Variants in ALOX5AP observed in about 807,000 individuals in gnomAD.
ALOX5AP encodes the protein arachidonate 5-lipoxygenase activating protein, also known as arachidonate 5-lipoxygenase-activating protein.
Under a neutral mutation model 18.5 loss-of-function variants are expected in ALOX5AP, and 9 were observed. The observed-to-expected ratio is 0.49, with a 90% CI of 0.29 to 0.85. The LOEUF is 0.85. Ranked by LOEUF, ALOX5AP falls within the 40% of genes least tolerant of loss-of-function variation. The pLI, the probability that ALOX5AP is intolerant of heterozygous loss-of-function variation, is 0.08. For synonymous variants in ALOX5AP, 81 were observed against 78.6 expected (o/e 1.03, Z -0.16); for missense variants, 172 against 202.5 (o/e 0.85, Z 0.91).
intron 1 of ALOX5AP, among the ~76,000 whole-genome samples, chr13:30,718,750 C>T (rs1437433118): frequency 4.6e-5 from 7 of 152,218 alleles, no homozygotes; most frequent in Admixed American, 3.9e-4. Flanking sequence ...GTCGCCCTAG[C>T]TGCCCAATGC....
At chr13:30,752,973 C>G (rs1172983759) in intron 3 of ALOX5AP, among the ~76,000 whole-genome samples, 1 of 152,204 alleles carries the variant, frequency 6.6e-6, no homozygotes, top group Non-Finnish European at 1.5e-5. Context: ...GGATTTTTCA[C>G]AAAGATCCTC....
At chr13:30,762,405 A>G (rs1284856479) in intron 4 of ALOX5AP, among the ~76,000 whole-genome samples, 1 of 152,174 alleles carries the variant, frequency 6.6e-6, no homozygotes, top group Non-Finnish European at 1.5e-5. Flanking sequence ...CCTGGCCAAC[A>G]TGGTGAAACA....
Position 30,755,952 on chromosome 13 carries a change from G to C in ALOX5AP, c.250G>C (p.Ala84Pro). The stretch of plus-strand genomic sequence containing the variant: ...TTCATTTCTCCACTTAGTTCCTGCT[G>C]CGTTTGCTGGACTGATGTACTTGTT... ...AGLLCSQVPA[A>P]FAGLMYLFVR... Residue 84 changes from alanine (A) to proline (P), a missense_variant, in exon 4 of 5, where the codon GCG (alanine) becomes CCG (proline). Transcript: ENST00000380490. The C allele has an allele frequency of 6.2e-7, 1 of 1,614,104 alleles. No homozygotes were observed. The highest frequency in any genetic ancestry group is 2.2e-5 in the East Asian group (1 of 44,876).
chr13:30,725,871 G>A (rs1281653958), intron 1 of ALOX5AP, among the ~76,000 whole-genome samples: 1 of 152,196 alleles, frequency 6.6e-6, no homozygotes, highest in Non-Finnish European at 1.5e-5. Context: ...TTAGAACAGT[G>A]GAATGGATTT....
chr13:30,732,591 T>G (rs1004738970), upstream of ALOX5AP, among the ~76,000 whole-genome samples: 3 of 152,190 alleles, frequency 2.0e-5, no homozygotes, highest in Non-Finnish European at 4.4e-5. Flanking sequence ...GCCATCTGGT[T>G]GACCTCTCCA....
At chr13:30,733,395 G>A (rs960497326), upstream of ALOX5AP, among the ~76,000 whole-genome samples, 3 of 152,206 alleles carry the variant, frequency 2.0e-5, no homozygotes, top group Non-Finnish European at 2.9e-5. Context: ...TCACTAAGAT[G>A]TAAGTGTTAG....
At chr13:30,751,687 C>T (rs1951853004) in intron 2 of ALOX5AP, among the ~76,000 whole-genome samples, 1 of 152,190 alleles carries the variant, frequency 6.6e-6, no homozygotes, top group African/African-American at 2.4e-5. Context: ...CCCCGACCAC[C>T]CCCATGCCAG....
intron 2 of ALOX5AP, among the ~76,000 whole-genome samples, chr13:30,750,010 C>T (rs1043140477): frequency 3.9e-5 from 6 of 152,022 alleles, no homozygotes; most frequent in African/African-American, 1.5e-4. Context: ...CACATGAAAC[C>T]CGTGGTTCTC....
chr13:30,718,085 G>A (rs978880381), intron 1 of ALOX5AP, among the ~76,000 whole-genome samples: 5 of 151,408 alleles, frequency 3.3e-5, no homozygotes, highest in South Asian at 2.1e-4. Flanking sequence ...TCAGCCTCCC[G>A]AGTAGCTGGG....
At chr13:30,724,966 G>C (rs1405055206) in intron 1 of ALOX5AP, among the ~76,000 whole-genome samples, 3 of 152,152 alleles carry the variant, frequency 2.0e-5, no homozygotes, top group Non-Finnish European at 4.4e-5. Context: ...ACTTGATGGA[G>C]GAAAAAACAA....
intron 4 of ALOX5AP, among the ~76,000 whole-genome samples, chr13:30,758,030 C>G (rs1262729195): frequency 1.3e-5 from 2 of 152,150 alleles, no homozygotes; most frequent in Admixed American, 6.5e-5. Flanking sequence ...GTAGGCATTA[C>G]TGATGAATCA....
chr13:30,744,508 C>T (rs1951793437), intron 2 of ALOX5AP: 1 of 177,038 alleles, frequency 5.6e-6, no homozygotes, highest in Non-Finnish European at 1.2e-5. Context: ...CCATGACTCA[C>T]CAGTCACCTT....
upstream of ALOX5AP, among the ~76,000 whole-genome samples, chr13:30,733,676 A>G (rs1951699108): frequency 6.6e-6 from 1 of 152,252 alleles, no homozygotes; most frequent in Non-Finnish European, 1.5e-5. Flanking sequence ...CACTGGAATC[A>G]GCGGACTAAG....
At chr13:30,730,465 A>G (rs1951672435) in intron 1 of ALOX5AP, among the ~76,000 whole-genome samples, 1 of 152,360 alleles carries the variant, frequency 6.6e-6, no homozygotes, top group Middle Eastern at 3.4e-3. Context: ...ACTGACTGAA[A>G]TGAAAAGGAA....
chr13:30,718,307 A>G (rs927024126), intron 1 of ALOX5AP, among the ~76,000 whole-genome samples: 2 of 151,468 alleles, frequency 1.3e-5, no homozygotes, highest in African/African-American at 4.8e-5. Context: ...CACACTCAAC[A>G]TTATAACAAG....
chr13:30,747,929 A>T (rs1360111589), intron 2 of ALOX5AP, among the ~76,000 whole-genome samples: 4 of 149,784 alleles, frequency 2.7e-5, no homozygotes, highest in Admixed American at 6.7e-5. Flanking sequence ...TTTTATTTTT[A>T]TTTTTTTTTG....
At chr13:30,741,894 C>T (rs1951769821) in intron 1 of ALOX5AP, among the ~76,000 whole-genome samples, 1 of 148,216 alleles carries the variant, frequency 6.7e-6, no homozygotes, top group Non-Finnish European at 1.5e-5. Context: ...ATGCAGAACC[C>T]GCAGATATAG....
intron 2 of ALOX5AP, among the ~76,000 whole-genome samples, chr13:30,746,984 T>G (rs1484058159): frequency 6.6e-6 from 1 of 152,202 alleles, no homozygotes; most frequent in East Asian, 1.9e-4. Flanking sequence ...AACTGCTGAC[T>G]GATACAGATA....
At chr13:30,739,516 C>A (rs1256056131) in intron 1 of ALOX5AP, among the ~76,000 whole-genome samples, 1 of 152,212 alleles carries the variant, frequency 6.6e-6, no homozygotes, top group African/African-American at 2.4e-5. Context: ...CTGACTGCAA[C>A]CTCTGCCTCC....
Sources: gnomAD v4.1 joint callset for allele counts (sites outside exome capture counted in the v4.1 genomes callset) on GRCh38, gnomAD v4.1.1 for gene constraint, MANE v1.5 for transcripts, NCBI Gene and HGNC (gene_info 2026-07-23, HGNC 2026-07-21) for gene names.